The following PIN4 variants were observed in gnomAD, a reference collection of about 807,000 sequenced individuals.
PIN4 encodes peptidyl-prolyl cis-trans isomerase NIMA-interacting 4.
A neutral mutation model predicts 8.3 loss-of-function variants in PIN4; 3 were observed. The ratio of observed to expected loss-of-function variants is 0.36; its 90% CI spans 0.16 to 0.93. The LOEUF (loss-of-function observed/expected upper bound fraction) is 0.93, where lower values mean the gene tolerates loss of function less well. Ranked by LOEUF, PIN4 falls within the 40% of genes least tolerant of loss-of-function variation. PIN4 has a pLI of 0.44. For synonymous variants in PIN4, 18 were observed against 32.5 expected (o/e 0.55, Z 1.52); for missense variants, 75 against 100.6 (o/e 0.75, Z 1.09).
intron 2 of PIN4, among the ~76,000 whole-genome samples, chrX:72,190,855 A>T (rs2042728442): frequency 9.3e-6 from 1 of 107,509 alleles, no homozygotes; most frequent in Non-Finnish European, 1.9e-5. Flanking sequence ...CGGGAGGCTG[A>T]GGCAGGAGAA....
At chrX:72,222,049 TC>T (rs1247518556) in intron 3 of PIN4, among the ~76,000 whole-genome samples, 1 of 107,275 alleles carries the variant, frequency 9.3e-6, no homozygotes, top group Non-Finnish European at 1.9e-5. Context: ...CCCTCAAGCC[TC>T]CAGCCCCAAA....
At chrX:72,191,543 T>A (rs1167131069) in intron 2 of PIN4, among the ~76,000 whole-genome samples, 1 of 97,559 alleles carries the variant, frequency 1.0e-5, no homozygotes, top group Non-Finnish European at 2.1e-5. Context: ...AGAGTGAGAC[T>A]CCATCTCAAA....
rs1006077233 is a variant in PIN4 at position 72,189,752 on chromosome X, A to G, written c.117+3218A>G. On this transcript the variant is annotated intron_variant, in intron 2 of 3. Transcript: ENST00000373669. ...CCCAAATCCGAAACACTCTGGTCCC[A>G]AGCATTTTGGATAAATGATATTCAA... 3.9e-4 allele frequency among the ~76,000 whole-genome samples: 44 copies of G among 111,654 alleles called. 1 individual carries two copies. Among genetic ancestry groups the G allele is most frequent in the African/African-American group, 1.3e-3 (40 of 30,553 alleles).
intron 3 of PIN4, among the ~76,000 whole-genome samples, chrX:72,215,007 A>C (rs140447443): frequency 7.5e-4 from 84 of 111,861 alleles, no homozygotes; most frequent in African/African-American, 2.6e-3. Flanking sequence ...AACAAACAAA[A>C]AAACCCACCA....
chrX:72,201,330 G>A (rs140239003), downstream of PIN4, among the ~76,000 whole-genome samples: 633 of 112,754 alleles, frequency 5.6e-3, 4 homozygotes, highest in African/African-American at 0.02. Context: ...GCTCACGCCT[G>A]TAATCCATCC....
At chrX:72,199,896 C>T (rs766803812), downstream of PIN4, among the ~76,000 whole-genome samples, 11 of 112,110 alleles carry the variant, frequency 9.8e-5, no homozygotes, top group South Asian at 2.2e-3. Flanking sequence ...CCAGGCAGCG[C>T]GGCTGACGCC....
chrX:72,197,741 T>C lies in PIN4; in HGVS notation c.*215T>C. 1 of 945,250 alleles carries C rather than the reference T, an allele frequency of 1.1e-6. No homozygotes were observed. The highest frequency in any genetic ancestry group is 4.6e-5 in the East Asian group (1 of 21,903). The allele number at this position is 945,250 out of a possible 1,213,427, so 77.9% of individuals were successfully genotyped here. A position where few individuals can be genotyped will look rare whatever the true frequency, so the allele number is the denominator to read the frequency against. On this transcript the variant is annotated 3_prime_UTR_variant, in exon 4 of 4. Transcript: ENST00000373669. ...TCAACTGTAGTAGGTATTCAGTCAG[T>C]CTTTCTCAAAGAGAAGTCAAGCAGA...
chrX:72,239,173 C>A (rs996054919), intron 3 of PIN4: 2 of 369,520 alleles, frequency 5.4e-6, no homozygotes, highest in Non-Finnish European at 9.6e-6. Context: ...AGAAGGTGAT[C>A]TCTGCCTTCG....
At chrX:72,241,623 G>A (rs1025362478) in intron 3 of PIN4, among the ~76,000 whole-genome samples, 5 of 112,203 alleles carry the variant, frequency 4.5e-5, no homozygotes, top group Non-Finnish European at 7.5e-5. Flanking sequence ...GGGAGTTCGA[G>A]ACCAGCCTGA....
intron 2 of PIN4, 53 bp from the exon 3 acceptor site, chrX:72,196,732 T>C (rs946643240): frequency 2.4e-5 from 26 of 1,103,111 alleles, no homozygotes; most frequent in South Asian, 4.0e-5. Flanking sequence ...CACTGTACTT[T>C]AAGGAGTCAT....
At chrX:72,213,819 C>T (rs765610922) in intron 3 of PIN4, among the ~76,000 whole-genome samples, 7 of 111,702 alleles carry the variant, frequency 6.3e-5, no homozygotes, top group Admixed American at 3.8e-4. Flanking sequence ...CCTTGGAATC[C>T]GTGAGGCCAA....
intron 2 of PIN4, among the ~76,000 whole-genome samples, chrX:72,195,834 T>G (rs993066551): frequency 9.0e-6 from 1 of 110,993 alleles, no homozygotes; most frequent in Non-Finnish European, 1.9e-5. Flanking sequence ...CATGCGTAAG[T>G]TCAGCCAGGC....
intron 3 of PIN4, among the ~76,000 whole-genome samples, chrX:72,244,260 A>T (rs2043059645): frequency 8.9e-6 from 1 of 111,785 alleles, no homozygotes; most frequent in African/African-American, 3.3e-5. Flanking sequence ...CAGAAGGAAA[A>T]CTACAGGCAA....
chrX:72,223,980 A>C (rs975266368), intron 3 of PIN4, among the ~76,000 whole-genome samples: 11 of 111,055 alleles, frequency 9.9e-5, no homozygotes, highest in Admixed American at 3.8e-4. Flanking sequence ...TCCCTGTTCA[A>C]GTGTAGCCCT....
chrX:72,209,943 C>A (rs1334714275), intron 3 of PIN4, among the ~76,000 whole-genome samples: 1 of 110,561 alleles, frequency 9.0e-6, no homozygotes, highest in Non-Finnish European at 1.9e-5. Flanking sequence ...CAAAATGGAT[C>A]ATAGATCTAA....
chrX:72,241,244 T>C (rs1480705175), intron 3 of PIN4, among the ~76,000 whole-genome samples: 1 of 111,696 alleles, frequency 9.0e-6, no homozygotes, highest in Non-Finnish European at 1.9e-5. Flanking sequence ...CATGGTGGCA[T>C]TGAGAGGCGG....
chrX:72,237,584 C>T (rs1434780608), intron 3 of PIN4, among the ~76,000 whole-genome samples: 1 of 100,272 alleles, frequency 1.0e-5, no homozygotes, highest in African/African-American at 3.8e-5. Context: ...GGTGACAGAG[C>T]GAGACTGTAT....
intron 3 of PIN4, chrX:72,204,959 C>T (rs1455177182): frequency 9.7e-7 from 1 of 1,030,521 alleles, no homozygotes; most frequent in African/African-American, 1.9e-5. Context: ...ATTATGGGAA[C>T]AAAAATTCCC....
At chrX:72,222,701 G>A (rs1296575895) in intron 3 of PIN4, among the ~76,000 whole-genome samples, 2 of 106,805 alleles carry the variant, frequency 1.9e-5, no homozygotes, top group Non-Finnish European at 3.9e-5. Context: ...AGGTTCAAGC[G>A]ATTCTCCTGC....
Sources: allele counts gnomAD v4.1 joint callset (sites outside exome capture counted in the v4.1 genomes callset), GRCh38; gene constraint gnomAD v4.1.1; transcripts MANE v1.5; gene names NCBI Gene and HGNC (gene_info 2026-07-23, HGNC 2026-07-21).